CAST: variants seen among roughly 807,000 people sequenced by gnomAD.
CAST encodes MIR583 host.
CAST carries 76 observed loss-of-function variants against 119.6 expected under a neutral mutation model. That is an observed-to-expected ratio of 0.64 (90% CI 0.53 to 0.77). CAST has a LOEUF of 0.77. Among genes scored for constraint, CAST ranks in the 30% least tolerant of loss-of-function variants. CAST has a pLI of 0.00. For missense variants in CAST, 953 were observed against 946.5 expected (o/e 1.01, Z -0.09); for synonymous variants, 319 against 331.6 (o/e 0.96, Z 0.41).
At chr5:96,597,300 A>G (rs1747070309) in intron 1 of CAST, among the ~76,000 whole-genome samples, 1 of 152,246 alleles carries the variant, frequency 6.6e-6, no homozygotes, top group Admixed American at 6.5e-5. Flanking sequence ...AAAGAAAAGG[A>G]TACCAGGTGG....
the CAST span, among the ~76,000 whole-genome samples, chr5:96,049,216 T>C: frequency 6.6e-6 from 1 of 152,228 alleles, no homozygotes; most frequent in Non-Finnish European, 1.5e-5. Context: ...ATTTTCACAA[T>C]AAACATGATT....
At chr5:96,474,547 A>G in the CAST span, among the ~76,000 whole-genome samples, 3 of 152,178 alleles carry the variant, frequency 2.0e-5, no homozygotes, top group Non-Finnish European at 4.4e-5. Context: ...TCTCATCAAG[A>G]AACTCCTCCA....
At chr5:95,976,941 T>C in the CAST span, among the ~76,000 whole-genome samples, 1 of 152,230 alleles carries the variant, frequency 6.6e-6, no homozygotes, top group South Asian at 2.1e-4. Flanking sequence ...CATTTATTAA[T>C]GTATGACTTT....
the CAST span, among the ~76,000 whole-genome samples, chr5:95,978,764 T>C: frequency 2.5e-4 from 38 of 152,308 alleles, no homozygotes; most frequent in African/African-American, 8.7e-4. Context: ...CAGTATTATA[T>C]GGAAATCATT....
At chr5:96,313,410 A>G in the CAST span, among the ~76,000 whole-genome samples, 14 of 152,138 alleles carry the variant, frequency 9.2e-5, no homozygotes, top group Non-Finnish European at 1.5e-4. Flanking sequence ...TTTTCCAAAT[A>G]TCATATAAAT....
rs1460152858 is a variant in CAST at position 96,740,014 on chromosome 5, C to G, written c.799-24C>G. The stretch of plus-strand genomic sequence containing the variant: ...GTCAGGTAATTAATTATATAATATC[C>G]CTATGTGTATGATTTTGTTCCAGGA... On this transcript the variant is annotated intron_variant, in intron 11 of 31. Coordinates refer to ENST00000675179, the MANE Select transcript of CAST (RefSeq NM_001750.7). 3.5e-6 allele frequency: 4 copies of G among 1,132,548 alleles called. No individual in the cohort carries two copies. In the East Asian group the frequency reaches 9.5e-5, roughly 27 times the overall value. The allele number at this position is 1,132,548 out of a possible 1,614,324, so 70.2% of individuals were successfully genotyped here.
At chr5:96,164,809 A>T in the CAST span, among the ~76,000 whole-genome samples, 5 of 152,160 alleles carry the variant, frequency 3.3e-5, no homozygotes, top group Non-Finnish European at 7.4e-5. Flanking sequence ...GCCTAGATCT[A>T]ATATTTTCCT....
At chr5:96,254,286 G>C in the CAST span, among the ~76,000 whole-genome samples, 2 of 152,026 alleles carry the variant, frequency 1.3e-5, no homozygotes, top group Middle Eastern at 6.8e-3. Context: ...TCTTCTTCTA[G>C]TATGTCTTAG....
intron 16 of CAST, among the ~76,000 whole-genome samples, chr5:96,744,094 T>G (rs773580682): frequency 3.3e-5 from 5 of 152,222 alleles, no homozygotes; most frequent in Non-Finnish European, 7.3e-5. Flanking sequence ...ATAAGTTATT[T>G]AAACATGTGG....
chr5:96,479,702 C>G, the CAST span, among the ~76,000 whole-genome samples: 1 of 152,062 alleles, frequency 6.6e-6, no homozygotes, highest in Non-Finnish European at 1.5e-5. Flanking sequence ...CCCTCCTTGG[C>G]CTCCCAAAGT....
chr5:96,586,937 G>A (rs866074545), intron 1 of CAST, among the ~76,000 whole-genome samples: 30 of 152,266 alleles, frequency 2.0e-4, no homozygotes, highest in African/African-American at 6.3e-4. Context: ...CCGTATTACA[G>A]ATGAGGAAAT....
the CAST span, among the ~76,000 whole-genome samples, chr5:96,081,767 C>T: frequency 1.3e-5 from 2 of 152,232 alleles, no homozygotes; most frequent in South Asian, 4.2e-4. Context: ...GAGAAATGGA[C>T]CTCCATTGTT....
rs551113762 is a variant in CAST, at chr5:96,716,717, T to A, written c.211-5922T>A. 1.2e-4 allele frequency among the ~76,000 whole-genome samples: 18 copies of A among 152,370 alleles called. No homozygotes were observed. The South Asian group carries it at 3.7e-3, about 32-fold the overall frequency. On this transcript the variant is annotated intron_variant, in intron 3 of 31. Transcript: ENST00000675179. The stretch of plus-strand genomic sequence containing the variant: ...GGTCAAATTATTTGTTTTTCTCTTG[T>A]ACATCTAGCAGAGCTGTTTGTAAAA...
intron 9 of CAST, among the ~76,000 whole-genome samples, chr5:96,731,326 G>T (rs894024814): frequency 2.0e-5 from 3 of 152,162 alleles, no homozygotes; most frequent in Non-Finnish European, 4.4e-5. Flanking sequence ...TGAAGTAGAT[G>T]TGTTGAGCTG....
At chr5:96,637,716 C>G (rs1171252635) in intron 1 of CAST, among the ~76,000 whole-genome samples, 1 of 152,130 alleles carries the variant, frequency 6.6e-6, no homozygotes, top group African/African-American at 2.4e-5. Context: ...CTTCTAAATA[C>G]AGATTTTTCT....
the CAST span, chr5:96,425,990 TCTAA>T: frequency 2.2e-6 from 2 of 906,544 alleles, no homozygotes; most frequent in East Asian, 4.9e-5. Context: ...GTATACTTCC[TCTAA>T]CTATCTCCAG....
chr5:96,604,898 A>G (rs1747224383), intron 1 of CAST, among the ~76,000 whole-genome samples: 1 of 152,230 alleles, frequency 6.6e-6, no homozygotes, highest in Non-Finnish European at 1.5e-5. Context: ...AGGAAGGAGT[A>G]TCCTTTCAGT....
At chr5:96,491,302 G>A in the CAST span, among the ~76,000 whole-genome samples, 3 of 146,754 alleles carry the variant, frequency 2.0e-5, no homozygotes, top group South Asian at 4.5e-4. Context: ...TGGCTAACAC[G>A]GTGAAACCCC....
the CAST span, among the ~76,000 whole-genome samples, chr5:96,319,662 T>C: frequency 6.6e-6 from 1 of 152,166 alleles, no homozygotes; most frequent in Non-Finnish European, 1.5e-5. Context: ...CCATAATGTA[T>C]TGTTACCTTC....
Sources: gnomAD v4.1 joint callset for allele counts (sites outside exome capture counted in the v4.1 genomes callset) on GRCh38, gnomAD v4.1.1 for gene constraint, MANE v1.5 for transcripts, NCBI Gene and HGNC (gene_info 2026-07-23, HGNC 2026-07-21) for gene names.